The following DVL1 variants were observed in gnomAD, a reference collection of about 807,000 sequenced individuals.
DVL1 encodes dishevelled segment polarity protein 1.
In DVL1, 49 loss-of-function variants were observed where a neutral mutation model predicts 65.0. The ratio of observed to expected loss-of-function variants is 0.75; its 90% CI spans 0.60 to 0.96. The LOEUF is 0.96. Among genes scored for constraint, DVL1 ranks in the 40% least tolerant of loss-of-function variants. The pLI is 0.00. For synonymous variants in DVL1, 608 were observed against 433.9 expected (o/e 1.40, Z -4.99); for missense variants, 1,197 against 1,045.4 (o/e 1.15, Z -2.00).
In DVL1 at chr1:1,336,081, T is replaced by C; in HGVS notation, c.*61A>G. Reference sequence around the variant, plus strand: ...CCCACGAAGGCAAGCCCACGCGAGCTCTGCATGCGGCAGGACCGCCAGCTC... The same window carrying C: ...CCCACGAAGGCAAGCCCACGCGAGCCCTGCATGCGGCAGGACCGCCAGCTC... On this transcript the variant is annotated 3_prime_UTR_variant, in exon 15 of 15. Transcript: ENST00000378888. 1 of 1,537,708 alleles carries C rather than the reference T, an allele frequency of 6.5e-7. No individual in the cohort carries two copies. The highest frequency in any genetic ancestry group is 8.7e-7 in the Non-Finnish European group (1 of 1,147,080).
intron 5 of DVL1, among the ~76,000 whole-genome samples, chr1:1,340,715 A>G (rs776090347): frequency 3.3e-5 from 5 of 152,158 alleles, no homozygotes; most frequent in Non-Finnish European, 7.4e-5. Context: ...GGGCACAGAC[A>G]CATGTAGCCA....
rs1331088506 is a variant in DVL1 at position 1,342,069 on chromosome 1, G to C, written c.450C>G (p.Arg150=). The part of the protein sequence containing the change: ...MVSHRRERAR[R]RNREEAARTN... ...CCACTGTACCCTCCTCGCGGTTCCG[G>C]CGTCGGGCACGCTCCCGCCGGTGAC... is the stretch of plus-strand genomic sequence containing the variant. The change falls in exon 4 of 15, where the codon CGC becomes CGG. Residue 150 remains arginine, a synonymous_variant. Coordinates refer to ENST00000378888, the MANE Select transcript of DVL1 (RefSeq NM_001330311.2). 2 of 1,583,586 alleles carry C rather than the reference G, an allele frequency of 1.3e-6. No individual in the cohort carries two copies. The highest frequency in any genetic ancestry group is 1.7e-6 in the Non-Finnish European group (2 of 1,165,288).
At chr1:1,340,574 T>A in intron 5 of DVL1, 71 bp from the exon 6 acceptor site, 1 of 1,482,756 alleles carries the variant, frequency 6.7e-7, no homozygotes, top group Non-Finnish European at 9.2e-7. Context: ...GCTCCCCCAA[T>A]ACTGAGTGGG....
chr1:1,336,369 C>A lies in DVL1; in HGVS notation c.1861G>T (p.Ala621Ser). The change falls in exon 15 of 15, where the codon GCC becomes TCC. Residue 621 changes from alanine to serine, a missense_variant. Ala to Ser is a moderately conservative substitution (Grantham distance 99). Transcript: ENST00000378888. The stretch of plus-strand genomic sequence containing the variant: ...CTGCTGCCACGGCTGAGCTGGCCGG[C>A]CGGACGCTCTCGCCAGCTGCTCCCC... ...GVGSSWRERP[A>S]GQLSRGSSPR... The A allele has an allele frequency of 1.3e-6, 2 of 1,597,380 alleles. No individual in the cohort carries two copies. The highest frequency in any genetic ancestry group is 1.7e-6 in the Non-Finnish European group (2 of 1,178,136).
In DVL1 at chr1:1,349,034, T is replaced by A; in HGVS notation, c.32A>T (p.Asp11Val). 1 of 1,556,748 alleles carries A rather than the reference T, an allele frequency of 6.4e-7. No individual in the cohort carries two copies. The highest frequency in any genetic ancestry group is 8.7e-7 in the Non-Finnish European group (1 of 1,148,180). The change falls in exon 1 of 15, where the codon GAC becomes GTC. Residue 11 changes from aspartate (D) to valine (V), a missense_variant. By Grantham distance (152) the Asp-to-Val change is radical. Coordinates refer to ENST00000378888, the MANE Select transcript of DVL1 (RefSeq NM_001330311.2). The surrounding 1 kb of genome is among the most constrained non-coding windows in gnomAD (Gnocchi z 4.1). Reference protein sequence around the residue: MAETKIIYHMDEEETPYLVKL... With the variant: MAETKIIYHMVEEETPYLVKL... ...GACCAGGTACGGCGTCTCCTCCTCGTCCATGTGGTAGATAATCTTGGTCTC... is the reference window on the plus strand; with the variant it reads ...GACCAGGTACGGCGTCTCCTCCTCGACCATGTGGTAGATAATCTTGGTCTC...
rs775158648 is a variant in DVL1 at position 1,340,528 on chromosome 1, G to A, written c.606-25C>T. On this transcript the variant is annotated intron_variant, in intron 5 of 14. Transcript: ENST00000378888. ...CCTGGGAACAGACTGTCAGAGCTCA[G>A]AGGAGCTGGAGACATGGGTAGGGGG... is the stretch of plus-strand genomic sequence containing the variant. 5 of 1,576,714 alleles carry A rather than the reference G, an allele frequency of 3.2e-6. No homozygotes were observed. In the South Asian group the frequency reaches 3.5e-5, roughly 11 times the overall value.
chr1:1,344,316 C>A (rs1223691299), intron 1 of DVL1, among the ~76,000 whole-genome samples: 1 of 152,316 alleles, frequency 6.6e-6, no homozygotes, highest in Middle Eastern at 3.4e-3. Flanking sequence ...AGTCCCACTG[C>A]GAGCTACAGA....
At chr1:1,339,968 G>A (rs1291846880) in intron 8 of DVL1, 70 bp downstream of exon 8, 141 of 1,402,336 alleles carry the variant, frequency 1.0e-4, no homozygotes, top group Non-Finnish European at 1.3e-4. Context: ...ACCCGCAGCC[G>A]CACGTCACCC....
rs556866360 is a variant in DVL1 at position 1,341,512 on chromosome 1, C to T, written c.605+155G>A. On this transcript the variant is annotated intron_variant, in intron 5 of 14. Transcript: ENST00000378888. Reference sequence around the variant, plus strand: ...CATGTGGAACACGTGCACAAGCACACGTGCATCATGTACACAGACATTTGC... The same window carrying T: ...CATGTGGAACACGTGCACAAGCACATGTGCATCATGTACACAGACATTTGC... Among the ~76,000 whole-genome samples the T allele has an allele frequency of 7.9e-5, 12 of 152,022 alleles. 1 individual carries two copies. The South Asian group carries it at 1.0e-3, about 13-fold the overall frequency.
intron 1 of DVL1, among the ~76,000 whole-genome samples, chr1:1,345,006 G>C (rs935175333): frequency 6.6e-6 from 1 of 150,492 alleles, no homozygotes; most frequent in Admixed American, 6.6e-5. Context: ...ACCGGAGGGA[G>C]ACTCGGCCAC....
chr1:1,347,592 G>T (rs150476868), intron 1 of DVL1, among the ~76,000 whole-genome samples: 4,208 of 152,282 alleles, frequency 0.028, 190 homozygotes, highest in African/African-American at 0.093. Flanking sequence ...AGTAACTTTG[G>T]TAACTTTCGT....
At chr1:1,347,376 G>A (rs140406022) in intron 1 of DVL1, among the ~76,000 whole-genome samples, 1 of 152,232 alleles carries the variant, frequency 6.6e-6, no homozygotes, top group Non-Finnish European at 1.5e-5. Flanking sequence ...CTCCAAATGT[G>A]CCCAGCAGGT....
At chr1:1,345,852 C>A (rs978404387) in intron 1 of DVL1, among the ~76,000 whole-genome samples, 2 of 152,168 alleles carry the variant, frequency 1.3e-5, no homozygotes, top group African/African-American at 4.8e-5. Context: ...CCTGTGCACG[C>A]CCCAGGTCAG....
At chr1:1,348,300 C>T (rs371071771) in intron 1 of DVL1, among the ~76,000 whole-genome samples, 1 of 152,140 alleles carries the variant, frequency 6.6e-6, no homozygotes, top group African/African-American at 2.4e-5. Flanking sequence ...GCTCCGGGAA[C>T]GCAAGTGCTT....
chr1:1,338,648 C>G lies in DVL1; in HGVS notation c.1213G>C (p.Glu405Gln), dbSNP rs905930060. The G allele has an allele frequency of 9.3e-6, 15 of 1,609,518 alleles. No individual in the cohort carries two copies. Among genetic ancestry groups the G allele is most frequent in the African/African-American group, 2.7e-5 (2 of 74,928 alleles). Residue 405 changes from glutamate to glutamine, a missense_variant, in exon 12 of 15, where the codon GAA (glutamate) becomes CAA (glutamine). Transcript: ENST00000378888. ...CTCTTCACCGTCAGCGGCGCCTCTT[C>G]CAGCTCTGCAAAGCACAGACAGCCC... ...TSSVPGAPQL[E>Q]EAPLTVKSDM...
At chr1:1,346,614 G>A (rs909638185) in intron 1 of DVL1, among the ~76,000 whole-genome samples, 3 of 152,226 alleles carry the variant, frequency 2.0e-5, no homozygotes, top group African/African-American at 4.8e-5. Flanking sequence ...GGCCAAAGCC[G>A]TGCGTGGGGA....
At chr1:1,341,141 G>C (rs374250741) in intron 5 of DVL1, among the ~76,000 whole-genome samples, 1 of 139,960 alleles carries the variant, frequency 7.1e-6, no homozygotes, top group African/African-American at 2.8e-5. Context: ...ACACCTGCAC[G>C]CACACCTTCA....
rs200762957 is a variant in DVL1, at chr1:1,342,345, C to A, written c.362+18G>T. The A allele has an allele frequency of 2.4e-4, 371 of 1,556,808 alleles. 1 individual carries two copies. The highest frequency in any genetic ancestry group is 7.4e-5 in the Non-Finnish European group (85 of 1,153,490). On this transcript the variant is annotated intron_variant, in intron 3 of 14. Transcript: ENST00000378888. Reference sequence around the variant, plus strand: ...ACAGGCTTGGGGTAGCAGGGCCCAGCGCCCACGGTGTCCTTACTGGAAGGA... The same window carrying A: ...ACAGGCTTGGGGTAGCAGGGCCCAGAGCCCACGGTGTCCTTACTGGAAGGA...
rs1643534424 is a variant in DVL1, at chr1:1,335,338, C to T, written c.*804G>A. ...AAGCAGCATTTACACAGAAGCAGCT[C>T]TATGTTAACCATCTAAACGCTGGGA... On this transcript the variant is annotated 3_prime_UTR_variant, in exon 15 of 15. Transcript: ENST00000378888. 1 of 152,308 alleles carries T rather than the reference C, an allele frequency of 6.6e-6. No homozygotes were observed. Among genetic ancestry groups the T allele is most frequent in the African/African-American group, 2.4e-5 (1 of 41,456 alleles). 9.4% of individuals were successfully genotyped at this position (152,308 alleles called of 1,614,324 possible).
Sources: allele counts gnomAD v4.1 joint callset (sites outside exome capture counted in the v4.1 genomes callset), GRCh38; gene constraint gnomAD v4.1.1; non-coding constraint Gnocchi (gnomAD v3.1); transcripts MANE v1.5; gene names NCBI Gene and HGNC (gene_info 2026-07-23, HGNC 2026-07-21).